The following SCAF11 variants were observed in gnomAD, a reference collection of about 807,000 sequenced individuals.
SCAF11 encodes the protein SR-related CTD associated factor 11, also known as protein SCAF11.
A neutral mutation model predicts 140.5 loss-of-function variants in SCAF11; 47 were observed. The ratio of observed to expected loss-of-function variants is 0.33; its 90% confidence interval spans 0.26 to 0.43. The LOEUF (loss-of-function observed/expected upper bound fraction) is 0.43. Among genes scored for constraint, SCAF11 ranks in the 20% least tolerant of loss-of-function variants. The pLI, the probability that SCAF11 is intolerant of heterozygous loss-of-function variation, is 1.00. For missense variants in SCAF11, 1,645 were observed against 1,705.1 expected, an observed-to-expected ratio of 0.96 and a Z score of 0.62; for synonymous variants, 557 against 579.4, an observed-to-expected ratio of 0.96 and a Z score of 0.55.
chr12:45,969,780 AG>A (rs1432863872), intron 1 of SCAF11, among the ~76,000 whole-genome samples: 1 of 152,254 alleles, frequency 6.6e-6, no homozygotes, highest in Non-Finnish European at 1.5e-5. Flanking sequence ...TCTGTCGTCC[AG>A]GCTGGAGCGT....
intron 1 of SCAF11, among the ~76,000 whole-genome samples, chr12:45,974,004 A>G (rs1190130333): frequency 6.6e-6 from 1 of 152,208 alleles, no homozygotes; most frequent in Non-Finnish European, 1.5e-5. Flanking sequence ...GATTTCCAAT[A>G]CAGGCATATA....
At position 45,983,784 on chromosome 12, in the gene SCAF11, C is replaced by A. The variant is rs577713754; in HGVS notation, c.-22+6569G>T. 1.8e-4 allele frequency among the ~76,000 whole-genome samples: 27 copies of A among 149,488 alleles called. No homozygotes were observed. In the South Asian group the frequency reaches 5.5e-3, roughly 30 times the overall value. On this transcript the variant is annotated intron_variant, in intron 1 of 14. Transcript: ENST00000369367. ...ACACACACACACACACACACACACA[C>A]AAAGACTGAACTAATTTTTACCTTA...
intron 6 of SCAF11, among the ~76,000 whole-genome samples, chr12:45,936,138 GTTTT>G (rs987862471): frequency 6.7e-5 from 10 of 149,196 alleles, no homozygotes; most frequent in South Asian, 2.1e-4. Flanking sequence ...TCTATGTGTG[GTTTT>G]TTTTGTTTTT....
chr12:45,937,287 G>C (rs900809022), intron 6 of SCAF11, among the ~76,000 whole-genome samples: 1 of 151,614 alleles, frequency 6.6e-6, no homozygotes, highest in African/African-American at 2.4e-5. Context: ...TTGTATTTTT[G>C]CTGTAATATT....
chr12:45,931,042 C>T (rs986091079), intron 10 of SCAF11: 1 of 152,202 alleles, frequency 6.6e-6, no homozygotes, highest in Non-Finnish European at 1.5e-5. Flanking sequence ...TTCTATCCAG[C>T]TGAAACTGTA....
intron 1 of SCAF11, among the ~76,000 whole-genome samples, chr12:45,990,070 G>A (rs1011194446): frequency 5.9e-5 from 9 of 152,012 alleles, no homozygotes; most frequent in South Asian, 2.1e-4. Context: ...AAATGGGACA[G>A]AGTGCGACAG....
rs1945935675 is a variant in SCAF11, at chr12:45,965,914, T to C, written c.-21-1726A>G. Among the ~76,000 whole-genome samples the C allele has an allele frequency of 2.0e-5, 3 of 152,230 alleles. No homozygotes were observed. In the South Asian group the frequency reaches 6.2e-4, roughly 32 times the overall value. On this transcript the variant is annotated intron_variant, in intron 1 of 14. Transcript: ENST00000369367. ...AAAGCAGAAGAAACTTAGTAGCATA[T>C]GTAAGAATGATTTAAAGGTTGTAGC...
Position 45,927,703 on chromosome 12 carries a change from G to T in SCAF11, c.1998C>A (p.Asn666Lys). 2 of 1,611,876 alleles carry T rather than the reference G, an allele frequency of 1.2e-6. No individual in the cohort carries two copies. The highest frequency in any genetic ancestry group is 1.7e-6 in the Non-Finnish European group (2 of 1,179,402). Residue 666 changes from asparagine (N) to lysine (K), a missense_variant, in exon 11 of 15, where the codon AAC becomes AAA. By Grantham distance (94) the Asn-to-Lys change is moderately conservative (BLOSUM62 0). This residue lies in a region of SCAF11 where 1,582 missense variants were observed against 1,609.2 expected (regional missense o/e 0.98). Coordinates refer to ENST00000369367, the MANE Select transcript of SCAF11 (RefSeq NM_004719.3). ...TGTTCAGAAGATTATTTTTTAGTAA[G>T]TTATTTTCAGAGTCTTGAATATTAT... ...DFNNIQDSEN[N>K]LLKNNLLNTK... is the part of the protein sequence containing the mutation.
At chr12:45,922,228 C>T in intron 14 of SCAF11, 34 bp from the exon 15 acceptor site, 6 of 1,578,246 alleles carry the variant, frequency 3.8e-6, no homozygotes, top group Non-Finnish European at 5.1e-6. Flanking sequence ...AAACTTTTTT[C>T]ATGCTTAAAG....
At position 45,924,853 on chromosome 12, in the gene SCAF11, C is replaced by G. The variant is rs11574973; in HGVS notation, c.3781G>C (p.Val1261Leu). 1.2e-3 allele frequency: 1,920 copies of G among 1,614,032 alleles called. 40 individuals carry two copies. The East Asian group carries it at 0.037, about 31-fold the overall frequency. ...GGAGTGGCTACCTGCATGAGGGGCA[C>G]TCCTGTGTGGAGATGCAAGGGTAGC... ...PQLPLHLHTG[V>L]PLMQVATPTS... Residue 1261 changes from valine (V) to leucine (L), a missense_variant, in exon 12 of 15, where the codon GTG becomes CTG. This residue lies in a region of SCAF11 where 1,582 missense variants were observed against 1,609.2 expected (regional missense o/e 0.98). Transcript: ENST00000369367.
chr12:45,952,379 G>A (rs748213664), intron 3 of SCAF11, among the ~76,000 whole-genome samples: 2 of 152,090 alleles, frequency 1.3e-5, no homozygotes, highest in African/African-American at 4.8e-5. Flanking sequence ...ATGAATAAGA[G>A]TTTTTTACTT....
At chr12:45,961,977 TTAGA>T (rs1565682669) in intron 2 of SCAF11, 120 bp from the exon 3 acceptor site, 1 of 597,852 alleles carries the variant, frequency 1.7e-6, no homozygotes, top group Non-Finnish European at 2.6e-6. Flanking sequence ...CAAATAGATC[TTAGA>T]TAAATTATAG....
At chr12:45,937,841 A>C (rs1945205908) in intron 6 of SCAF11, among the ~76,000 whole-genome samples, 1 of 152,146 alleles carries the variant, frequency 6.6e-6, no homozygotes, top group South Asian at 2.1e-4. Flanking sequence ...TCAAATACTC[A>C]TTTTAGAGTG....
Position 45,927,173 on chromosome 12 carries a change from C to T in SCAF11, c.2528G>A (p.Arg843Gln), listed in dbSNP as rs11574972. 211 of 1,613,922 alleles carry T rather than the reference C, an allele frequency of 1.3e-4. No individual in the cohort carries two copies. In the African/African-American group the frequency reaches 2.0e-3, roughly 16 times the overall value. ...PSPKNESARG[R>Q]KKSRSQSPKK... ...TGGGGACTGAGAACGGGATTTTTTC[C>T]GGCCTCTGGCTGACTCATTCTTAGG... The change falls in exon 11 of 15, where the codon CGG (arginine) becomes CAG (glutamine). Residue 843 changes from arginine to glutamine, a missense_variant. By Grantham distance (43) the Arg-to-Gln change is conservative. Transcript: ENST00000369367.
At chr12:45,954,537 T>C (rs979827820) in intron 3 of SCAF11, among the ~76,000 whole-genome samples, 7 of 151,706 alleles carry the variant, frequency 4.6e-5, no homozygotes, top group African/African-American at 7.3e-5. Flanking sequence ...CTTTACAATT[T>C]TGAATTATGA....
intron 6 of SCAF11, among the ~76,000 whole-genome samples, chr12:45,943,673 AG>A (rs1945358012): frequency 6.6e-6 from 1 of 152,118 alleles, no homozygotes; most frequent in Non-Finnish European, 1.5e-5. Context: ...AAATCAGTCC[AG>A]GTTGGTCAGT....
chr12:45,987,993 G>A (rs1946498527), intron 1 of SCAF11, among the ~76,000 whole-genome samples: 5 of 152,210 alleles, frequency 3.3e-5, no homozygotes, highest in Admixed American at 2.6e-4. Flanking sequence ...ACAATGCAAA[G>A]ATGAGTTTTG....
intron 4 of SCAF11, among the ~76,000 whole-genome samples, chr12:45,951,058 G>A (rs191818957): frequency 1.5e-3 from 225 of 151,594 alleles, no homozygotes; most frequent in Non-Finnish European, 2.6e-3. Flanking sequence ...TGTTTTTTCA[G>A]GTAAGCAAAA....
At chr12:45,943,853 G>GT (rs1483138072) in intron 6 of SCAF11, among the ~76,000 whole-genome samples, 1 of 152,040 alleles carries the variant, frequency 6.6e-6, no homozygotes, top group Non-Finnish European at 1.5e-5. Flanking sequence ...GGCAGAAATT[G>GT]TTTTTTTCCT....
Sources: gnomAD v4.1 joint callset for allele counts (sites outside exome capture counted in the v4.1 genomes callset) on GRCh38, gnomAD v4.1.1 for gene constraint, gnomAD v4.1.1 regional missense constraint, MANE v1.5 for transcripts, NCBI Gene and HGNC (gene_info 2026-07-23, HGNC 2026-07-21) for gene names.